The following WDFY2 variants were observed in gnomAD, a reference collection of about 807,000 sequenced individuals.
WDFY2 encodes the protein WD repeat and FYVE domain containing 2.
Under a neutral mutation model 56.4 loss-of-function variants are expected in WDFY2, and 36 were observed. The observed-to-expected ratio is 0.64, with a 90% CI of 0.49 to 0.84. The LOEUF (loss-of-function observed/expected upper bound fraction) is 0.84. Ranked by LOEUF, WDFY2 falls within the 40% of genes least tolerant of loss-of-function variation. The pLI, the probability that WDFY2 is intolerant of heterozygous loss-of-function variation, is 0.00. For synonymous variants in WDFY2, 176 were observed against 183.7 expected (o/e 0.96, Z 0.34); for missense variants, 444 against 512.2 (o/e 0.87, Z 1.29).
intron 4 of WDFY2, among the ~76,000 whole-genome samples, chr13:51,706,222 ATTC>A (rs1952079194): frequency 6.6e-6 from 1 of 152,226 alleles, no homozygotes; most frequent in African/African-American, 2.4e-5. Flanking sequence ...TGTTTTTGTC[ATTC>A]TTCTTAATAC....
intron 3 of WDFY2, among the ~76,000 whole-genome samples, chr13:51,690,371 G>A (rs1322316825): frequency 8.5e-6 from 1 of 118,218 alleles, no homozygotes; most frequent in African/African-American, 3.4e-5. Flanking sequence ...ACAGTCCCCA[G>A]AGTGTGATAT....
intron 3 of WDFY2, among the ~76,000 whole-genome samples, chr13:51,675,695 T>C (rs1042852021): frequency 6.6e-6 from 1 of 152,174 alleles, no homozygotes; most frequent in Non-Finnish European, 1.5e-5. Flanking sequence ...GCTTCTTGTT[T>C]TTTCCAGCTC....
chr13:51,611,085 T>A (rs913796659), intron 1 of WDFY2, among the ~76,000 whole-genome samples: 1 of 152,242 alleles, frequency 6.6e-6, no homozygotes, highest in Non-Finnish European at 1.5e-5. Context: ...TAATTAAGAA[T>A]GCTTGTCTCC....
rs1953771703 is a variant in WDFY2, at chr13:51,767,026, C to T, written c.*7257C>T. ...AAGCCATGGAGCCCTTTTCCTTCATCATGTAAGTCAGCTTTTTCTTGTGCT... is the reference window on the plus strand; with the variant it reads ...AAGCCATGGAGCCCTTTTCCTTCATTATGTAAGTCAGCTTTTTCTTGTGCT... On this transcript the variant is annotated 3_prime_UTR_variant, in exon 12 of 12. Transcript: ENST00000298125. 1 of 152,244 alleles carries T rather than the reference C, an allele frequency of 6.6e-6. No individual in the cohort carries two copies. The highest frequency in any genetic ancestry group is 1.5e-5 in the Non-Finnish European group (1 of 68,050). The allele number at this position is 152,244 out of a possible 1,614,324, so 9.4% of individuals were successfully genotyped here.
chr13:51,698,838 C>G (rs377319056), intron 3 of WDFY2, among the ~76,000 whole-genome samples: 1 of 151,970 alleles, frequency 6.6e-6, no homozygotes, highest in Non-Finnish European at 1.5e-5. Flanking sequence ...TTCAGTACTA[C>G]GAAAGATTTG....
chr13:51,671,940 C>T (rs1955815832), intron 2 of WDFY2, among the ~76,000 whole-genome samples: 1 of 151,878 alleles, frequency 6.6e-6, no homozygotes, highest in African/African-American at 2.4e-5. Context: ...TGTACCGTCA[C>T]ACCCGCCTAA....
Position 51,693,263 on chromosome 13 carries a change from C to A in WDFY2, c.280-10333C>A, listed in dbSNP as rs1234400453. 9.9e-5 allele frequency among the ~76,000 whole-genome samples: 15 copies of A among 151,804 alleles called. 1 individual carries two copies. The highest frequency in any genetic ancestry group is 5.8e-4 in the East Asian group (3 of 5,166). On this transcript the variant is annotated intron_variant, in intron 3 of 11. Transcript: ENST00000298125. ...TTGCTCTTGCTTTTCTAGTTCTTTT[C>A]ATTGTGATGTTAGGGTGTCAATTTT...
At chr13:51,644,391 G>C (rs1242021252) in intron 1 of WDFY2, among the ~76,000 whole-genome samples, 1 of 152,102 alleles carries the variant, frequency 6.6e-6, no homozygotes, top group Non-Finnish European at 1.5e-5. Context: ...TGGTATATGG[G>C]TCCAATTAAC....
At chr13:51,698,555 C>T (rs1467833752) in intron 3 of WDFY2, among the ~76,000 whole-genome samples, 2 of 152,100 alleles carry the variant, frequency 1.3e-5, no homozygotes, top group East Asian at 3.8e-4. Context: ...ACAACAAATA[C>T]GGTGTTAAAT....
At position 51,766,215 on chromosome 13, in the gene WDFY2, G is replaced by A. The variant is rs535879607; in HGVS notation, c.*6446G>A. 4 of 152,210 alleles carry A rather than the reference G, an allele frequency of 2.6e-5. No individual in the cohort carries two copies. Among genetic ancestry groups the A allele is most frequent in the African/African-American group, 9.6e-5 (4 of 41,530 alleles). The allele number at this position is 152,210 out of a possible 1,614,324, so 9.4% of individuals were successfully genotyped here. ...TTTTTAAATGACTTTGTTTTTCAAG[G>A]TGCTGTCATTTTGCAAAAGGAAATC... is the stretch of plus-strand genomic sequence containing the variant. On this transcript the variant is annotated 3_prime_UTR_variant, in exon 12 of 12. Coordinates refer to ENST00000298125, the MANE Select transcript of WDFY2 (RefSeq NM_052950.4).
chr13:51,630,968 CG>C (rs1251955206), intron 1 of WDFY2, among the ~76,000 whole-genome samples: 1 of 151,218 alleles, frequency 6.6e-6, no homozygotes, highest in Non-Finnish European at 1.5e-5. Flanking sequence ...TTAGTACAGA[CG>C]GGGTTTCACC....
At chr13:51,735,118 G>A (rs1444550317) in intron 6 of WDFY2, among the ~76,000 whole-genome samples, 1 of 152,206 alleles carries the variant, frequency 6.6e-6, no homozygotes, top group African/African-American at 2.4e-5. Flanking sequence ...GGGAGAGGCC[G>A]TTTCCATCAG....
chr13:51,729,464 C>T (rs1332825846), intron 6 of WDFY2, among the ~76,000 whole-genome samples: 1 of 152,016 alleles, frequency 6.6e-6, no homozygotes. Context: ...CCCCCTCACC[C>T]CAACAAACAA....
intron 3 of WDFY2, among the ~76,000 whole-genome samples, chr13:51,678,705 A>G (rs1301781442): frequency 6.6e-6 from 1 of 152,236 alleles, no homozygotes; most frequent in African/African-American, 2.4e-5. Flanking sequence ...CTCAATTCTA[A>G]CATAGTGTGG....
chr13:51,740,422 A>C (rs1952942820), intron 7 of WDFY2, among the ~76,000 whole-genome samples: 1 of 152,200 alleles, frequency 6.6e-6, no homozygotes, highest in African/African-American at 2.4e-5. Context: ...AGAGAAGAAA[A>C]AAGGAAGCCA....
At chr13:51,736,083 T>C (rs1952827899) in intron 6 of WDFY2, among the ~76,000 whole-genome samples, 1 of 152,206 alleles carries the variant, frequency 6.6e-6, no homozygotes, top group Non-Finnish European at 1.5e-5. Flanking sequence ...ATAAGCTGAC[T>C]GGCCTTAAGG....
intron 1 of WDFY2, among the ~76,000 whole-genome samples, chr13:51,627,278 T>C (rs1269818429): frequency 1.3e-5 from 2 of 152,122 alleles, no homozygotes; most frequent in East Asian, 3.9e-4. Flanking sequence ...ACTGTCAGTG[T>C]GGTGAGCGGG....
intron 4 of WDFY2, among the ~76,000 whole-genome samples, chr13:51,707,261 G>A (rs1312626400): frequency 6.6e-6 from 1 of 152,160 alleles, no homozygotes; most frequent in Non-Finnish European, 1.5e-5. Context: ...CTGGGCTCAA[G>A]CAGTCCTCCT....
At chr13:51,644,967 G>A (rs1955237870) in intron 1 of WDFY2, among the ~76,000 whole-genome samples, 1 of 152,134 alleles carries the variant, frequency 6.6e-6, no homozygotes, top group Non-Finnish European at 1.5e-5. Context: ...AGAAGATTGG[G>A]TTTAGGTTAT....
Sources: allele counts gnomAD v4.1 joint callset (sites outside exome capture counted in the v4.1 genomes callset), GRCh38; gene constraint gnomAD v4.1.1; transcripts MANE v1.5; gene names NCBI Gene and HGNC (gene_info 2026-07-23, HGNC 2026-07-21).